The following KCNN3 variants were observed in gnomAD, a reference collection of about 807,000 sequenced individuals.
KCNN3 encodes small conductance calcium-activated potassium channel protein 3.
Under a neutral mutation model 62.9 loss-of-function variants are expected in KCNN3, and 16 were observed. The ratio of observed to expected loss-of-function variants is 0.25; its 90% CI spans 0.17 to 0.39. The LOEUF is 0.39. KCNN3 is among the 10% of genes least tolerant of loss of function. KCNN3 has a pLI of 1.00. For synonymous variants in KCNN3, 370 were observed against 389.2 expected (o/e 0.95, Z 0.58); for missense variants, 599 against 949.4 (o/e 0.63, Z 4.85).
In KCNN3 at chr1:154,707,986, C is replaced by G. The variant is rs1699996477; in HGVS notation, c.2186G>C (p.Ser729Thr). ...AGTGGGGAGATTTATTTAGCAACTG[C>G]TTGAACTTGTGTACGGGGTCGGGAA... The part of the protein sequence containing the change: ...TSFPTPYTSS[S>T]SC Residue 729 changes from serine (S) to threonine (T), a missense_variant, in exon 8 of 8, where the codon AGC (serine) becomes ACC (threonine). Coordinates refer to ENST00000271915, the MANE Select transcript of KCNN3 (RefSeq NM_002249.6). 2 of 1,613,368 alleles carry G rather than the reference C, an allele frequency of 1.2e-6. No individual in the cohort carries two copies. Among genetic ancestry groups the G allele is most frequent in the African/African-American group, 1.3e-5 (1 of 75,032 alleles).
chr1:154,762,262 T>C (rs1160395005), intron 3 of KCNN3, among the ~76,000 whole-genome samples: 1 of 152,226 alleles, frequency 6.6e-6, no homozygotes, highest in Non-Finnish European at 1.5e-5. Flanking sequence ...AATTTCCTTC[T>C]TGCCCTCAGC....
chr1:154,823,133 C>T (rs1411715599), intron 1 of KCNN3, among the ~76,000 whole-genome samples: 1 of 152,200 alleles, frequency 6.6e-6, no homozygotes, highest in Non-Finnish European at 1.5e-5. Context: ...GTTAACTACC[C>T]TTATCATTTA....
chr1:154,738,394 T>C (rs921011150), intron 3 of KCNN3, among the ~76,000 whole-genome samples: 3 of 152,182 alleles, frequency 2.0e-5, no homozygotes, highest in African/African-American at 7.2e-5. Context: ...GAAATCTGAA[T>C]TGGCCAAAGT....
At position 154,862,940 on chromosome 1, in the gene KCNN3, T is replaced by C. The variant is rs571063224; in HGVS notation, c.933+6092A>G. 1.3e-5 allele frequency among the ~76,000 whole-genome samples: 2 copies of C among 152,042 alleles called. No individual in the cohort carries two copies. Among genetic ancestry groups the C allele is most frequent in the South Asian group, 4.2e-4 (2 of 4,804 alleles). ...AACTTGGGAGCTAAACGGGCTTGGG[T>C]TCTTATCTCAGTGCCACCACCGCTG... On this transcript the variant is annotated intron_variant, in intron 1 of 7. Coordinates refer to ENST00000271915, the MANE Select transcript of KCNN3 (RefSeq NM_002249.6). This position sits in a 1 kb window ranked among gnomAD's most constrained non-coding sequence, Gnocchi z 4.1.
chr1:154,714,439 G>GTGTGTGTGTGTGT (rs200111273), intron 6 of KCNN3, among the ~76,000 whole-genome samples: 1 of 39,500 alleles, frequency 2.5e-5, no homozygotes, highest in Non-Finnish European at 5.0e-5. Context: ...GGTGTGTGGG[G>GTGTGTGTGTGTGT]GGTGTGTGTG....
At position 154,699,790 on chromosome 1, in the gene KCNN3, A is replaced by G. The variant is rs1699814898; in HGVS notation, c.*8186T>C. 6.6e-6 allele frequency: 1 copy of G among 152,096 alleles called. No homozygotes were observed. The highest frequency in any genetic ancestry group is 2.4e-5 in the African/African-American group (1 of 41,412). 9.4% of individuals were successfully genotyped at this position (152,096 alleles called of 1,614,324 possible). Reference sequence around the variant, plus strand: ...AACACAAGGATCGAGAAACACAACAATTTCTGTACTATGCTAAGCAGAGAC... The same window carrying G: ...AACACAAGGATCGAGAAACACAACAGTTTCTGTACTATGCTAAGCAGAGAC... On this transcript the variant is annotated 3_prime_UTR_variant, in exon 8 of 8. Coordinates refer to ENST00000271915, the MANE Select transcript of KCNN3 (RefSeq NM_002249.6).
intron 1 of KCNN3, among the ~76,000 whole-genome samples, chr1:154,854,474 T>G (rs1271580668): frequency 6.6e-6 from 1 of 152,304 alleles, no homozygotes; most frequent in East Asian, 1.9e-4. Context: ...AAGTTGTATC[T>G]TGGAGGGAAG....
chr1:154,748,731 C>T (rs1700992174), intron 3 of KCNN3, among the ~76,000 whole-genome samples: 1 of 152,182 alleles, frequency 6.6e-6, no homozygotes, highest in African/African-American at 2.4e-5. Context: ...GAGGCTGAGA[C>T]AGAAGGATCC....
chr1:154,770,310 C>G (rs200935510), intron 3 of KCNN3, among the ~76,000 whole-genome samples: 2 of 152,146 alleles, frequency 1.3e-5, no homozygotes, highest in African/African-American at 2.4e-5. Context: ...AGCAGAATGC[C>G]CTCTCAGTTT....
At chr1:154,832,278 T>A (rs541614258) in intron 1 of KCNN3, among the ~76,000 whole-genome samples, 27 of 151,788 alleles carry the variant, frequency 1.8e-4, no homozygotes, top group African/African-American at 6.5e-4. Flanking sequence ...TCTTGTGGTG[T>A]CAAGAAGTCC....
rs898224125 is a variant in KCNN3 at position 154,702,299 on chromosome 1, G to A, written c.*5677C>T. 2.0e-5 allele frequency: 3 copies of A among 151,798 alleles called. No individual in the cohort carries two copies. The highest frequency in any genetic ancestry group is 6.6e-5 in the Admixed American group (1 of 15,234). 9.4% of individuals were successfully genotyped at this position (151,798 alleles called of 1,614,324 possible). A position where few individuals can be genotyped will look rare whatever the true frequency, so the allele number is the denominator to read the frequency against. On this transcript the variant is annotated 3_prime_UTR_variant, in exon 8 of 8. Coordinates refer to ENST00000271915, the MANE Select transcript of KCNN3 (RefSeq NM_002249.6). ...GTTTGATACAAAATGTTAATTGAAA[G>A]TTACAATATATTTTATAATATATCA...
Position 154,708,137 on chromosome 1 carries a change from C to T in KCNN3, c.2035G>A (p.Asp679Asn). The change falls in exon 8 of 8, where the codon GAC becomes AAC. Residue 679 changes from aspartate to asparagine, a missense_variant. Physicochemically the swap from Asp to Asn is conservative, Grantham distance 23. Transcript: ENST00000271915. ...SFNSLPLLIA[D>N]TLRQQQQQLL... is the part of the protein sequence containing the mutation. ...TGCTGCTGCTGCTGGCGCAGGGTGT[C>T]GGCGATGAGCAGCGGCAGGGAGTTG... 3 of 1,613,698 alleles carry T rather than the reference C, an allele frequency of 1.9e-6. No individual in the cohort carries two copies. Among genetic ancestry groups the T allele is most frequent in the Non-Finnish European group, 2.5e-6 (3 of 1,180,008 alleles).
At chr1:154,718,872 G>T (rs748297365) in intron 5 of KCNN3, among the ~76,000 whole-genome samples, 18 of 152,078 alleles carry the variant, frequency 1.2e-4, no homozygotes, top group Non-Finnish European at 2.6e-4. Flanking sequence ...CTCAATACAT[G>T]GTACCTTTGT....
rs1263564251 is a variant in KCNN3, at chr1:154,869,207, G to T, written c.758C>A (p.Thr253Asn). Residue 253 changes from threonine (T) to asparagine (N), a missense_variant, in exon 1 of 8, where the codon ACC becomes AAC. Transcript: ENST00000271915. The surrounding 1 kb of genome is among the most constrained non-coding windows in gnomAD (Gnocchi z 6.1). Reference protein sequence around the residue: ...HQHAGTTASSTTFPKANKRKN... With the variant: ...HQHAGTTASSNTFPKANKRKN... ...CCGCTTGTTGGCTTTGGGGAAGGTG[G>T]TGCTGCTGGCGGTGGTGCCGGCATG... 1 of 1,614,152 alleles carries T rather than the reference G, an allele frequency of 6.2e-7. No homozygotes were observed. Among genetic ancestry groups the T allele is most frequent in the East Asian group, 2.2e-5 (1 of 44,876 alleles).
Position 154,869,762 on chromosome 1 carries a change from T to TGCTGCTGAAGCTGCGGAG in KCNN3, c.202_203insCTCCGCAGCTTCAGCAGC (p.Gln67_Gln68insProProGlnLeuGlnGln). On this transcript the variant is annotated inframe_insertion, in exon 1 of 8. Coordinates refer to ENST00000271915, the MANE Select transcript of KCNN3 (RefSeq NM_002249.6). This position sits in a 1 kb window ranked among gnomAD's most constrained non-coding sequence, Gnocchi z 6.1. Reference sequence around the variant, plus strand: ...CTGCTGCTGCTGCTGCTGCTGCTGCTGCTGAAGCTGCGGAGGCTGAGGCTG... The same window carrying TGCTGCTGAAGCTGCGGAG: ...CTGCTGCTGCTGCTGCTGCTGCTGCTGCTGCTGAAGCTGCGGAGGCTGAAGCTGCGGAGGCTGAGGCTG... 6.6e-7 allele frequency: 1 copy of TGCTGCTGAAGCTGCGGAG among 1,520,972 alleles called. No individual in the cohort carries two copies. Among genetic ancestry groups the TGCTGCTGAAGCTGCGGAG allele is most frequent in the East Asian group, 2.5e-5 (1 of 39,584 alleles). 94.2% of individuals were successfully genotyped at this position (1,520,972 alleles called of 1,614,324 possible).
chr1:154,749,123 T>C (rs1647227752), intron 3 of KCNN3, among the ~76,000 whole-genome samples: 1 of 152,172 alleles, frequency 6.6e-6, no homozygotes, highest in African/African-American at 2.4e-5. Context: ...TGGATCTGTG[T>C]TATAATGAGC....
chr1:154,724,729 C>T (rs1700424224), intron 5 of KCNN3, among the ~76,000 whole-genome samples: 1 of 152,168 alleles, frequency 6.6e-6, no homozygotes, highest in Non-Finnish European at 1.5e-5. Context: ...TTCAGATTTT[C>T]ATCTTCCATA....
chr1:154,817,455 G>A (rs993578395), intron 2 of KCNN3, among the ~76,000 whole-genome samples: 2 of 152,216 alleles, frequency 1.3e-5, no homozygotes, highest in Non-Finnish European at 2.9e-5. Flanking sequence ...TCAATATGGA[G>A]GATCAGCATC....
At chr1:154,844,284 T>C (rs1651954223) in intron 1 of KCNN3, among the ~76,000 whole-genome samples, 1 of 152,242 alleles carries the variant, frequency 6.6e-6, no homozygotes, top group Non-Finnish European at 1.5e-5. Context: ...CTACCTTTAA[T>C]GGAGAGTAAG....
Sources: gnomAD v4.1 joint callset for allele counts (sites outside exome capture counted in the v4.1 genomes callset) on GRCh38, gnomAD v4.1.1 for gene constraint, Gnocchi (gnomAD v3.1) non-coding constraint, MANE v1.5 for transcripts, NCBI Gene and HGNC (gene_info 2026-07-23, HGNC 2026-07-21) for gene names.